Variants in SETD7 observed in about 807,000 individuals in gnomAD.
SETD7 encodes the protein histone-lysine N-methyltransferase SETD7.
In SETD7, 16 loss-of-function variants were observed where a neutral mutation model predicts 41.8. That is an observed-to-expected ratio of 0.38 (90% CI 0.26 to 0.58). The LOEUF is 0.58. SETD7 is among the 20% of genes least tolerant of loss of function. The pLI is 0.64. For missense variants in SETD7, 346 were observed against 459.7 expected, an observed-to-expected ratio of 0.75 and a Z score of 2.26; for synonymous variants, 163 against 169.7, an observed-to-expected ratio of 0.96 and a Z score of 0.31.
At chr4:139,546,760 G>GA in intron 2 of SETD7, 160 bp downstream of exon 2, 1 of 913,318 alleles carries the variant, frequency 1.1e-6, no homozygotes, top group Non-Finnish European at 1.7e-6. Context: ...ACCACAGGGT[G>GA]ACTTCCCCAG....
At chr4:139,540,283 T>G (rs576421754) in intron 2 of SETD7, among the ~76,000 whole-genome samples, 12 of 152,172 alleles carry the variant, frequency 7.9e-5, no homozygotes, top group Non-Finnish European at 1.5e-4. Flanking sequence ...CTGTCAATCT[T>G]CCAAGCTCTT....
In SETD7 at chr4:139,507,732, A is replaced by T. The variant is rs1008813687; in HGVS notation, c.*3931T>A. 1.3e-5 allele frequency: 2 copies of T among 152,670 alleles called. No homozygotes were observed. The highest frequency in any genetic ancestry group is 2.9e-5 in the Non-Finnish European group (2 of 68,038). The allele number at this position is 152,670 out of a possible 1,614,324, so 9.5% of individuals were successfully genotyped here. A position where few individuals can be genotyped will look rare whatever the true frequency, so the allele number is the denominator to read the frequency against. On this transcript the variant is annotated 3_prime_UTR_variant, in exon 8 of 8. Transcript: ENST00000274031. ...ATTTAGTATTTTTAAAATTAAAAAAAGTGACAACGAGTTTCCAAATTCCTG... is the reference window on the plus strand; with the variant it reads ...ATTTAGTATTTTTAAAATTAAAAAATGTGACAACGAGTTTCCAAATTCCTG...
At chr4:139,524,296 A>T (rs1396317932) in intron 4 of SETD7, among the ~76,000 whole-genome samples, 1 of 152,234 alleles carries the variant, frequency 6.6e-6, no homozygotes, top group African/African-American at 2.4e-5. Context: ...AACCAATCCA[A>T]ATCAGTCAGT....
In SETD7 at chr4:139,544,060, G is replaced by A. The variant is rs185021261; in HGVS notation, c.170+2860C>T. Among the ~76,000 whole-genome samples, 505 of 152,124 alleles carry A rather than the reference G, an allele frequency of 3.3e-3. 12 individuals carry two copies. The highest frequency in any genetic ancestry group is 0.033 in the South Asian group (159 of 4,822). On this transcript the variant is annotated intron_variant, in intron 2 of 7. Transcript: ENST00000274031. ...ACCCCAGCACTTGAGAGGCTGAGGCGGGTGGATCACTTGAGCTCAGGAGTT... is the reference window on the plus strand; with the variant it reads ...ACCCCAGCACTTGAGAGGCTGAGGCAGGTGGATCACTTGAGCTCAGGAGTT...
At position 139,546,846 on chromosome 4, in the gene SETD7, CT is replaced by C; in HGVS notation, c.170+73del. ...TTGTAGAAAAACTTCCACTTGAATTCTTTCGTTTGTATTAGTCCTTAACATA... is the reference window on the plus strand; with the variant it reads ...TTGTAGAAAAACTTCCACTTGAATTCTTCGTTTGTATTAGTCCTTAACATA... On this transcript the variant is annotated intron_variant, in intron 2 of 7. Transcript: ENST00000274031. 3.1e-6 allele frequency: 5 copies of C among 1,591,214 alleles called. No individual in the cohort carries two copies. The South Asian group carries it at 4.5e-5, about 14-fold the overall frequency.
chr4:139,531,904 T>C (rs191492227), intron 3 of SETD7, among the ~76,000 whole-genome samples: 1 of 152,100 alleles, frequency 6.6e-6, no homozygotes, highest in Admixed American at 6.5e-5. Context: ...CAGTGCCTGG[T>C]CAACATGGTG....
chr4:139,551,187 C>T (rs905576825), intron 1 of SETD7, among the ~76,000 whole-genome samples: 1 of 152,210 alleles, frequency 6.6e-6, no homozygotes, highest in South Asian at 2.1e-4. Flanking sequence ...AAACACTAGT[C>T]CTCCTTGCTC....
downstream of SETD7, among the ~76,000 whole-genome samples, chr4:139,493,360 G>A (rs770124467): frequency 2.0e-5 from 3 of 152,250 alleles, no homozygotes; most frequent in Middle Eastern, 3.4e-3. Context: ...CCAGGAAAAC[G>A]CTTGGCAAGT....
rs554956471 is a variant in SETD7, at chr4:139,529,146, A to G, written c.447T>C (p.Pro149=). 3 of 1,614,084 alleles carry G rather than the reference A, an allele frequency of 1.9e-6. No homozygotes were observed. In the African/African-American group the frequency reaches 4.0e-5, roughly 22 times the overall value. The change falls in exon 4 of 8, where the codon CCT becomes CCC. Residue 149 remains proline (P), a synonymous_variant. Coordinates refer to ENST00000274031, the MANE Select transcript of SETD7 (RefSeq NM_030648.4). Reference sequence around the variant, plus strand: ...TCCCATAAAGTGCGGTCCTCTCATCAGGGTACACATAGGCTATCTTCTCTC... The same window carrying G: ...TCCCATAAAGTGCGGTCCTCTCATCGGGGTACACATAGGCTATCTTCTCTC... ...MTGEKIAYVY[P]DERTALYGKF...
At chr4:139,541,302 T>A (rs1475572146) in intron 2 of SETD7, among the ~76,000 whole-genome samples, 1 of 152,204 alleles carries the variant, frequency 6.6e-6, no homozygotes, top group African/African-American at 2.4e-5. Context: ...TTTAGGTTCA[T>A]AAATCATGGT....
intron 1 of SETD7, among the ~76,000 whole-genome samples, chr4:139,551,660 T>G (rs2111179057): frequency 6.6e-6 from 1 of 152,248 alleles, no homozygotes; most frequent in South Asian, 2.1e-4. Context: ...TGTGAGTATT[T>G]CCCTTAGAAC....
downstream of SETD7, among the ~76,000 whole-genome samples, chr4:139,502,489 C>G (rs1025452107): frequency 6.6e-6 from 1 of 152,144 alleles, no homozygotes; most frequent in African/African-American, 2.4e-5. Flanking sequence ...GCGGGGCAAG[C>G]CTGGCTCTCC....
intron 4 of SETD7, 89 bp downstream of exon 4, chr4:139,528,942 G>T: frequency 8.9e-7 from 1 of 1,125,174 alleles, no homozygotes; most frequent in Non-Finnish European, 1.3e-6. Flanking sequence ...GAACTATACA[G>T]AGAGGAAAAG....
chr4:139,532,224 T>C (rs1727500483), intron 3 of SETD7, among the ~76,000 whole-genome samples: 1 of 152,202 alleles, frequency 6.6e-6, no homozygotes, highest in African/African-American at 2.4e-5. Context: ...GGTGGATTGC[T>C]TGAGCCCAGG....
At chr4:139,503,742 A>G (rs138078293), downstream of SETD7, among the ~76,000 whole-genome samples, 2 of 152,286 alleles carry the variant, frequency 1.3e-5, no homozygotes, top group East Asian at 3.9e-4. Context: ...CATGATGCAG[A>G]TGAGGCAGAC....
At chr4:139,521,727 T>C (rs1342447762) in intron 5 of SETD7, among the ~76,000 whole-genome samples, 2 of 152,302 alleles carry the variant, frequency 1.3e-5, no homozygotes, top group Middle Eastern at 3.4e-3. Context: ...TGGTAGAACA[T>C]GGGCAGAAGT....
At position 139,511,506 on chromosome 4, in the gene SETD7, T is replaced by A; in HGVS notation, c.*157A>T. On this transcript the variant is annotated 3_prime_UTR_variant, in exon 8 of 8. Transcript: ENST00000274031. ...TTTAAATCTGGTATGAGTAATACAG[T>A]CAAACCTAGTTAGTATGCGAGAAAG... 7.2e-7 allele frequency: 1 copy of A among 1,396,478 alleles called. No homozygotes were observed. The highest frequency in any genetic ancestry group is 1.4e-5 in the African/African-American group (1 of 69,100). 86.5% of individuals were successfully genotyped at this position (1,396,478 alleles called of 1,614,324 possible). A position where few individuals can be genotyped will look rare whatever the true frequency, so the allele number is the denominator to read the frequency against.
chr4:139,504,232 A>G (rs1158494919), downstream of SETD7, among the ~76,000 whole-genome samples: 1 of 152,258 alleles, frequency 6.6e-6, no homozygotes, highest in Admixed American at 6.5e-5. Flanking sequence ...AGATGGATCC[A>G]TTAATCTTTT....
downstream of SETD7, among the ~76,000 whole-genome samples, chr4:139,504,064 G>C (rs1211059913): frequency 6.6e-6 from 1 of 152,190 alleles, no homozygotes; most frequent in Non-Finnish European, 1.5e-5. Context: ...GAAGAACTTG[G>C]TGGAGCTGCT....
Sources: gnomAD v4.1 joint callset for allele counts (sites outside exome capture counted in the v4.1 genomes callset) on GRCh38, gnomAD v4.1.1 for gene constraint, MANE v1.5 for transcripts, NCBI Gene and HGNC (gene_info 2026-07-23, HGNC 2026-07-21) for gene names.